The following RAP1A variants were observed in gnomAD, a reference collection of about 807,000 sequenced individuals.
RAP1A encodes the protein ras-related protein Rap-1A.
A neutral mutation model predicts 26.4 loss-of-function variants in RAP1A; 6 were observed. The ratio of observed to expected loss-of-function variants is 0.23; its 90% CI spans 0.12 to 0.45. The LOEUF (loss-of-function observed/expected upper bound fraction) is 0.45. Among genes scored for constraint, RAP1A ranks in the 20% least tolerant of loss-of-function variants. The pLI is 0.99. For missense variants in RAP1A, 121 were observed against 217.2 expected, an observed-to-expected ratio of 0.56 and a Z score of 2.78; for synonymous variants, 73 against 79.4, an observed-to-expected ratio of 0.92 and a Z score of 0.43.
intron 1 of RAP1A, among the ~76,000 whole-genome samples, chr1:111,576,910 C>T (rs946924722): frequency 1.3e-5 from 2 of 152,176 alleles, no homozygotes; most frequent in Non-Finnish European, 1.5e-5. Context: ...TACTAGAGCT[C>T]CAGAATCTGC....
At chr1:111,636,060 G>A (rs1659721163) in intron 1 of RAP1A, among the ~76,000 whole-genome samples, 1 of 152,094 alleles carries the variant, frequency 6.6e-6, no homozygotes, top group African/African-American at 2.4e-5. Context: ...CGACTTAATA[G>A]TTTAGACCTA....
intron 1 of RAP1A, among the ~76,000 whole-genome samples, chr1:111,583,427 C>T (rs565648117): frequency 1.3e-5 from 2 of 150,866 alleles, no homozygotes; most frequent in Admixed American, 6.6e-5. Context: ...GCTATGATTG[C>T]GCCACTCCAC....
At chr1:111,615,659 C>T (rs1410999631), upstream of RAP1A, among the ~76,000 whole-genome samples, 7 of 151,760 alleles carry the variant, frequency 4.6e-5, no homozygotes, top group East Asian at 3.9e-4. Context: ...GGTGAAACCC[C>T]GCCTCTACTA....
chr1:111,561,563 G>T (rs1361060621), intron 1 of RAP1A, among the ~76,000 whole-genome samples: 1 of 152,168 alleles, frequency 6.6e-6, no homozygotes, highest in African/African-American at 2.4e-5. Flanking sequence ...AGAGGTCATA[G>T]TCTCCACATC....
chr1:111,552,091 G>A (rs1657284735), intron 1 of RAP1A, among the ~76,000 whole-genome samples: 1 of 152,190 alleles, frequency 6.6e-6, no homozygotes, highest in African/African-American at 2.4e-5. Flanking sequence ...CAGTAGCAAA[G>A]GCTAAAACAT....
chr1:111,646,303 G>T (rs1385613431), intron 1 of RAP1A, among the ~76,000 whole-genome samples: 2 of 151,266 alleles, frequency 1.3e-5, no homozygotes, highest in Admixed American at 1.3e-4. Context: ...GTATCCACTA[G>T]TATACCTCTG....
chr1:111,660,362 T>C (rs1233649290), intron 1 of RAP1A, among the ~76,000 whole-genome samples: 1 of 152,254 alleles, frequency 6.6e-6, no homozygotes, highest in Non-Finnish European at 1.5e-5. Flanking sequence ...TTATGCAGTC[T>C]GAAATATACC....
At chr1:111,674,279 A>G (rs1456135514) in intron 1 of RAP1A, among the ~76,000 whole-genome samples, 2 of 142,130 alleles carry the variant, frequency 1.4e-5, no homozygotes, top group Non-Finnish European at 3.0e-5. Context: ...TTTTCTTTTC[A>G]TGGACATCAC....
At chr1:111,627,595 G>A (rs914908723) in intron 1 of RAP1A, 1 of 151,988 alleles carries the variant, frequency 6.6e-6, no homozygotes, top group African/African-American at 2.4e-5. Flanking sequence ...CAATGTGATA[G>A]ATATCTGTTA....
At chr1:111,683,138 G>A (rs1042058852) in intron 1 of RAP1A, among the ~76,000 whole-genome samples, 54 of 152,076 alleles carry the variant, frequency 3.6e-4, no homozygotes, top group African/African-American at 1.2e-3. Flanking sequence ...AAGACACAAC[G>A]TACCAGAATC....
intron 1 of RAP1A, among the ~76,000 whole-genome samples, chr1:111,612,896 T>C (rs1658947182): frequency 6.6e-6 from 1 of 152,198 alleles, no homozygotes; most frequent in Non-Finnish European, 1.5e-5. Context: ...ATGAAGAGTA[T>C]TGTCCATGCA....
At chr1:111,567,496 T>A (rs1268636068) in intron 1 of RAP1A, among the ~76,000 whole-genome samples, 1 of 152,108 alleles carries the variant, frequency 6.6e-6, no homozygotes. Context: ...AAAATGACAA[T>A]CCTATTGTGG....
chr1:111,580,027 C>A (rs559223599), intron 1 of RAP1A, among the ~76,000 whole-genome samples: 1 of 152,060 alleles, frequency 6.6e-6, no homozygotes, highest in Non-Finnish European at 1.5e-5. Context: ...AACTCCTGAC[C>A]TCAGGTGATC....
intron 6 of RAP1A, among the ~76,000 whole-genome samples, chr1:111,707,223 G>GT (rs935646354): frequency 7.9e-4 from 119 of 151,180 alleles, no homozygotes; most frequent in Admixed American, 1.3e-3. Context: ...AATCATTCAG[G>GT]TTTTTTTTTA....
intron 1 of RAP1A, among the ~76,000 whole-genome samples, chr1:111,675,489 A>C (rs926475329): frequency 2.0e-5 from 3 of 148,052 alleles, no homozygotes; most frequent in Non-Finnish European, 4.5e-5. Flanking sequence ...CAAAACAAAA[A>C]AAACAGCCTG....
chr1:111,703,747 TC>T (rs2101289867), intron 5 of RAP1A, among the ~76,000 whole-genome samples: 1 of 152,360 alleles, frequency 6.6e-6, no homozygotes, highest in South Asian at 2.1e-4. Flanking sequence ...AAAGAATACT[TC>T]ATAGAAGTGG....
intron 1 of RAP1A, among the ~76,000 whole-genome samples, chr1:111,579,253 T>G (rs563106760): frequency 2.1e-4 from 32 of 152,314 alleles, no homozygotes; most frequent in African/African-American, 7.7e-4. Flanking sequence ...ATCCTGAGAC[T>G]AACTAGGGCC....
chr1:111,545,670 T>C (rs1314766608), intron 1 of RAP1A, among the ~76,000 whole-genome samples: 1 of 152,154 alleles, frequency 6.6e-6, no homozygotes, highest in African/African-American at 2.4e-5. Context: ...CTTGTGCTTT[T>C]TGTGTCATAT....
chr1:111,583,515 A>G (rs1264730107), intron 1 of RAP1A, among the ~76,000 whole-genome samples: 2 of 152,030 alleles, frequency 1.3e-5, no homozygotes, highest in African/African-American at 4.8e-5. Flanking sequence ...TATCATTTTC[A>G]GGTCACGAGT....
Sources: allele counts gnomAD v4.1 joint callset (sites outside exome capture counted in the v4.1 genomes callset), GRCh38; gene constraint gnomAD v4.1.1; transcripts MANE v1.5; gene names NCBI Gene and HGNC (gene_info 2026-07-23, HGNC 2026-07-21).